Variants in PLD1 observed in about 807,000 individuals in gnomAD.
PLD1 encodes phospholipase D1, also known as choline phosphatase 1.
PLD1 carries 112 observed loss-of-function variants against 137.1 expected under a neutral mutation model. That is an observed-to-expected ratio of 0.82 (90% CI 0.70 to 0.96). The LOEUF (loss-of-function observed/expected upper bound fraction) is 0.96, where lower values mean the gene tolerates loss of function less well. PLD1 is among the 40% of genes least tolerant of loss of function. The pLI is 0.00. For synonymous variants in PLD1, 431 were observed against 454.7 expected (o/e 0.95, Z 0.66); for missense variants, 1,321 against 1,342.0 (o/e 0.98, Z 0.24).
intron 24 of PLD1, among the ~76,000 whole-genome samples, chr3:171,614,369 G>C (rs945593314): frequency 6.6e-6 from 1 of 152,176 alleles, no homozygotes; most frequent in Non-Finnish European, 1.5e-5. Context: ...ACATTAATTT[G>C]GGCAATTCAC....
At chr3:171,642,190 C>T (rs1735811314) in intron 23 of PLD1, among the ~76,000 whole-genome samples, 1 of 152,052 alleles carries the variant, frequency 6.6e-6, no homozygotes, top group Admixed American at 6.6e-5. Flanking sequence ...CATGGTGGCT[C>T]ACACTTGTAA....
intron 1 of PLD1, among the ~76,000 whole-genome samples, chr3:171,748,271 C>G (rs577895108): frequency 6.6e-6 from 1 of 152,234 alleles, no homozygotes; most frequent in South Asian, 2.1e-4. Context: ...TTTGTACAAC[C>G]GCTGGATTGA....
At position 171,685,430 on chromosome 3, in the gene PLD1, T is replaced by C. The variant is rs77522614; in HGVS notation, c.1867+1255A>G. Among the ~76,000 whole-genome samples, 231 of 152,344 alleles carry C rather than the reference T, an allele frequency of 1.5e-3. 5 individuals are homozygous for C. In the East Asian group the frequency reaches 0.027, roughly 18 times the overall value. On this transcript the variant is annotated intron_variant, in intron 16 of 26. Coordinates refer to ENST00000351298, the MANE Select transcript of PLD1 (RefSeq NM_002662.5). ...AAAGCATAACATAGTAATCTTTATT[T>C]CTGCTAAATCACAGGTCTTAATTAT...
chr3:171,693,904 C>T (rs150632163), intron 12 of PLD1, among the ~76,000 whole-genome samples: 1 of 152,158 alleles, frequency 6.6e-6, no homozygotes, highest in African/African-American at 2.4e-5. Context: ...ACCTACTTTA[C>T]AAGAACTAAA....
intron 8 of PLD1, 67 bp from the exon 9 acceptor site, chr3:171,714,112 T>TA (rs568638552): frequency 1.3e-5 from 13 of 965,738 alleles, no homozygotes; most frequent in African/African-American, 4.8e-5. Flanking sequence ...AACTAATCAT[T>TA]ATGACAAGTC....
At chr3:171,741,373 A>G (rs1719760074) in intron 1 of PLD1, among the ~76,000 whole-genome samples, 1 of 152,178 alleles carries the variant, frequency 6.6e-6, no homozygotes, top group African/African-American at 2.4e-5. Context: ...TCATTCTTGA[A>G]TATCAAGCTG....
At chr3:171,687,183 T>A (rs1262301631) in intron 15 of PLD1, among the ~76,000 whole-genome samples, 188 bp downstream of exon 15, 1 of 152,220 alleles carries the variant, frequency 6.6e-6, no homozygotes, top group East Asian at 1.9e-4. Flanking sequence ...AAACAATAAA[T>A]CTGTTCTAAA....
intron 13 of PLD1, among the ~76,000 whole-genome samples, chr3:171,691,777 G>A (rs1437170999): frequency 6.6e-6 from 1 of 152,182 alleles, no homozygotes; most frequent in African/African-American, 2.4e-5. Context: ...AAGCCTGCTG[G>A]AGGTTTGTTA....
intron 1 of PLD1, among the ~76,000 whole-genome samples, chr3:171,795,675 G>C (rs1423730442): frequency 1.3e-5 from 2 of 152,134 alleles, no homozygotes; most frequent in Admixed American, 6.5e-5. Context: ...ATCACACCCA[G>C]TCACAAAGAA....
chr3:171,662,807 T>G (rs1251087562), intron 19 of PLD1, among the ~76,000 whole-genome samples: 1 of 152,224 alleles, frequency 6.6e-6, no homozygotes, highest in East Asian at 1.9e-4. Context: ...AGTCTAAACT[T>G]TCTAATGGCA....
At chr3:171,689,529 GACTC>G (rs1714938824) in intron 13 of PLD1, among the ~76,000 whole-genome samples, 1 of 150,548 alleles carries the variant, frequency 6.6e-6, no homozygotes, top group South Asian at 2.1e-4. Flanking sequence ...CTTTCTCAGA[GACTC>G]ACTCTCACTG....
At chr3:171,705,104 C>CA (rs1716576094) in intron 11 of PLD1, among the ~76,000 whole-genome samples, 1 of 152,132 alleles carries the variant, frequency 6.6e-6, no homozygotes, top group Non-Finnish European at 1.5e-5. Context: ...GGCTGGGGAC[C>CA]AGTTTGGCTT....
chr3:171,758,812 A>G (rs1721204579), intron 1 of PLD1, among the ~76,000 whole-genome samples: 2 of 152,242 alleles, frequency 1.3e-5, no homozygotes. Flanking sequence ...GTCAGGACCT[A>G]TGAAGATCCC....
chr3:171,737,475 G>A lies in PLD1; in HGVS notation c.288+57C>T, dbSNP rs958525034. ...AAGAGGGAGGAAAATGAAAGGCTAT[G>A]TACTAATTCACATATATTGACAAAA... On this transcript the variant is annotated intron_variant, in intron 3 of 26. Coordinates refer to ENST00000351298, the MANE Select transcript of PLD1 (RefSeq NM_002662.5). The A allele has an allele frequency of 3.4e-6, 5 of 1,471,058 alleles. No individual in the cohort carries two copies. The African/African-American group carries it at 7.1e-5, about 21-fold the overall frequency. The allele number at this position is 1,471,058 out of a possible 1,614,324, so 91.1% of individuals were successfully genotyped here.
rs753363496 is a variant in PLD1, at chr3:171,659,245, A to G, written c.2397T>C (p.Asp799=). Residue 799 remains aspartate (D), a synonymous_variant, in exon 21 of 27, where the codon GAT becomes GAC. Coordinates refer to ENST00000351298, the MANE Select transcript of PLD1 (RefSeq NM_002662.5). The part of the protein sequence containing the change: ...DDKVVFNKIG[D]AIAQRILKAH... ...CTTTCAGGATCCTCTGGGCAATGGC[A>G]TCGCCTATCTTGTTGAACACAACTT... 8 of 1,613,570 alleles carry G rather than the reference A, an allele frequency of 5.0e-6. No individual in the cohort carries two copies. Among genetic ancestry groups the G allele is most frequent in the Non-Finnish European group, 6.8e-6 (8 of 1,179,544 alleles).
chr3:171,808,419 C>T (rs1243958386), intron 1 of PLD1, among the ~76,000 whole-genome samples: 1 of 152,060 alleles, frequency 6.6e-6, no homozygotes, highest in East Asian at 1.9e-4. Context: ...GCCTGTTTTC[C>T]CAGCTACTCA....
intron 1 of PLD1, among the ~76,000 whole-genome samples, chr3:171,756,282 A>T (rs1056550501): frequency 6.6e-6 from 1 of 152,122 alleles, no homozygotes. Context: ...CCCAAATATG[A>T]TTTTGTAGGA....
chr3:171,734,126 G>C (rs1344761130), intron 5 of PLD1, among the ~76,000 whole-genome samples: 1 of 152,104 alleles, frequency 6.6e-6, no homozygotes. Flanking sequence ...TCATACATGT[G>C]CACACAGTAA....
chr3:171,767,956 G>A (rs993884545), intron 1 of PLD1, among the ~76,000 whole-genome samples: 1 of 66,456 alleles, frequency 1.5e-5, no homozygotes, highest in South Asian at 4.6e-4. Flanking sequence ...AAAAAAGAGA[G>A]GGGGGCTGGG....
Sources: allele counts gnomAD v4.1 joint callset (sites outside exome capture counted in the v4.1 genomes callset), GRCh38; gene constraint gnomAD v4.1.1; transcripts MANE v1.5; gene names NCBI Gene and HGNC (gene_info 2026-07-23, HGNC 2026-07-21).